RABGAP1L: variants seen among roughly 807,000 people sequenced by gnomAD.
RABGAP1L encodes rab GTPase-activating protein 1-like.
Under a neutral mutation model 137.7 loss-of-function variants are expected in RABGAP1L, and 63 were observed. That is an observed-to-expected ratio of 0.46 (90% CI 0.37 to 0.56). The LOEUF (loss-of-function observed/expected upper bound fraction) is 0.56. Among genes scored for constraint, RABGAP1L ranks in the 20% least tolerant of loss-of-function variants. The pLI, the probability that RABGAP1L is intolerant of heterozygous loss-of-function variation, is 0.00. For missense variants in RABGAP1L, 1,095 were observed against 1,244.0 expected (o/e 0.88, Z 1.80); for synonymous variants, 431 against 433.7 (o/e 0.99, Z 0.08).
At chr1:174,700,220 A>AT (rs1679546059) in intron 16 of RABGAP1L, among the ~76,000 whole-genome samples, 1 of 152,236 alleles carries the variant, frequency 6.6e-6, no homozygotes, top group Non-Finnish European at 1.5e-5. Context: ...ACAGTAAAAA[A>AT]GATTGTGACC....
chr1:174,569,262 A>G (rs1391645572), intron 13 of RABGAP1L, among the ~76,000 whole-genome samples: 4 of 152,162 alleles, frequency 2.6e-5, no homozygotes, highest in Admixed American at 2.6e-4. Flanking sequence ...TCAAAAAAAG[A>G]GTTGTGAATA....
chr1:174,946,940 A>ATGTGTGTGTG (rs755558389), intron 19 of RABGAP1L, among the ~76,000 whole-genome samples: 31 of 60,958 alleles, frequency 5.1e-4, no homozygotes, highest in African/African-American at 1.6e-3. Context: ...ATATATATAT[A>ATGTGTGTGTG]TGTGTGTGTG....
At chr1:174,344,947 A>AT (rs1305396911) in intron 11 of RABGAP1L, among the ~76,000 whole-genome samples, 1 of 152,096 alleles carries the variant, frequency 6.6e-6, no homozygotes, top group Non-Finnish European at 1.5e-5. Flanking sequence ...TCTTTAATCC[A>AT]TTTTGATTTG....
chr1:174,187,513 T>C (rs1240487344), intron 1 of RABGAP1L, among the ~76,000 whole-genome samples: 1 of 152,120 alleles, frequency 6.6e-6, no homozygotes, highest in Non-Finnish European at 1.5e-5. Flanking sequence ...TGCCACTTAG[T>C]CATCTCATTG....
At chr1:174,791,019 C>T (rs900172171) in intron 18 of RABGAP1L, among the ~76,000 whole-genome samples, 11 of 151,822 alleles carry the variant, frequency 7.2e-5, no homozygotes, top group Admixed American at 4.6e-4. Flanking sequence ...GGTGAAACCC[C>T]GTCTCTACTA....
intron 13 of RABGAP1L, among the ~76,000 whole-genome samples, chr1:174,504,771 G>C (rs1290215179): frequency 1.3e-5 from 2 of 152,134 alleles, no homozygotes; most frequent in African/African-American, 4.8e-5. Context: ...AAAACTACTA[G>C]AAGACAGTGT....
At position 174,290,460 on chromosome 1, in the gene RABGAP1L, C is replaced by G. The variant is rs567283095; in HGVS notation, c.1323+11681C>G. On this transcript the variant is annotated intron_variant, in intron 10 of 25. Coordinates refer to ENST00000681986, the MANE Select transcript of RABGAP1L (RefSeq NM_001366446.1). ...GCAACATCATCAAATTGAAATTGCTCCACTTATACTTCCAATACAACTTTT... is the reference window on the plus strand; with the variant it reads ...GCAACATCATCAAATTGAAATTGCTGCACTTATACTTCCAATACAACTTTT... Among the ~76,000 whole-genome samples the G allele has an allele frequency of 4.6e-5, 7 of 152,178 alleles. 1 individual carries two copies. The South Asian group carries it at 1.2e-3, about 27-fold the overall frequency.
chr1:174,535,385 G>T (rs1432191450), intron 13 of RABGAP1L, among the ~76,000 whole-genome samples: 1 of 152,072 alleles, frequency 6.6e-6, no homozygotes, highest in Admixed American at 6.6e-5. Context: ...ACTGATTGCT[G>T]GTGGCTTAAA....
chr1:174,946,845 G>A (rs1666847768), intron 19 of RABGAP1L, among the ~76,000 whole-genome samples: 1 of 143,060 alleles, frequency 7.0e-6, no homozygotes, highest in Non-Finnish European at 1.5e-5. Context: ...AGGTTGCAGT[G>A]AGCCGAGATC....
At chr1:174,311,499 A>G (rs760181730) in intron 11 of RABGAP1L, among the ~76,000 whole-genome samples, 6 of 152,140 alleles carry the variant, frequency 3.9e-5, no homozygotes, top group African/African-American at 7.2e-5. Context: ...TGATTTTTAG[A>G]TTCCACAAAT....
intron 13 of RABGAP1L, among the ~76,000 whole-genome samples, chr1:174,624,858 A>G (rs556670838): frequency 6.8e-6 from 1 of 147,154 alleles, no homozygotes; most frequent in South Asian, 2.1e-4. Context: ...TTTCCTCACT[A>G]TCTCTTTATC....
At chr1:174,863,843 G>A (rs1336898526) in intron 19 of RABGAP1L, among the ~76,000 whole-genome samples, 1 of 151,740 alleles carries the variant, frequency 6.6e-6, no homozygotes, top group Admixed American at 6.6e-5. Context: ...AGCCGGGAGT[G>A]GTGGTGTGTG....
At chr1:174,430,093 C>A (rs1309590177) in intron 13 of RABGAP1L, among the ~76,000 whole-genome samples, 2 of 152,086 alleles carry the variant, frequency 1.3e-5, no homozygotes, top group Non-Finnish European at 2.9e-5. Context: ...TTAGCTTAAA[C>A]CCTTCACAGG....
chr1:174,220,624 C>T (rs571802627), intron 2 of RABGAP1L: 54 of 157,650 alleles, frequency 3.4e-4, no homozygotes, highest in Non-Finnish European at 6.8e-4. Context: ...GCTGAGATTG[C>T]ACCGCTGCAT....
intron 13 of RABGAP1L, among the ~76,000 whole-genome samples, chr1:174,597,157 G>T (rs963813229): frequency 1.3e-5 from 2 of 152,140 alleles, no homozygotes; most frequent in African/African-American, 4.8e-5. Context: ...ATGTTCGTCA[G>T]AAATGTTGGC....
chr1:174,386,660 A>G (rs558789668), intron 12 of RABGAP1L, among the ~76,000 whole-genome samples: 2 of 152,122 alleles, frequency 1.3e-5, no homozygotes, highest in African/African-American at 4.8e-5. Flanking sequence ...GGTATGGGCC[A>G]CCACGCCTGG....
chr1:174,651,911 A>C (rs922860264), intron 14 of RABGAP1L, among the ~76,000 whole-genome samples: 3 of 152,114 alleles, frequency 2.0e-5, no homozygotes, highest in African/African-American at 4.8e-5. Context: ...TCGTTAGTTG[A>C]TGCAGTTTTT....
intron 19 of RABGAP1L, among the ~76,000 whole-genome samples, chr1:174,936,283 T>C (rs1291178954): frequency 6.6e-6 from 1 of 150,950 alleles, no homozygotes; most frequent in Non-Finnish European, 1.5e-5. Flanking sequence ...GCCTGGGCAA[T>C]GTGGCAAGAC....
intron 13 of RABGAP1L, among the ~76,000 whole-genome samples, chr1:174,601,653 TAAAATAAATAAATAAGA>T (rs1473327386): frequency 6.6e-6 from 1 of 152,100 alleles, no homozygotes; most frequent in Non-Finnish European, 1.5e-5. Context: ...AATTTAAAAA[TAAAATAAATAAATAAGA>T]AAAATGGGTT....
Sources: allele counts gnomAD v4.1 joint callset (sites outside exome capture counted in the v4.1 genomes callset), GRCh38; gene constraint gnomAD v4.1.1; transcripts MANE v1.5; gene names NCBI Gene and HGNC (gene_info 2026-07-23, HGNC 2026-07-21).